Variants in DCC observed in about 807,000 individuals in gnomAD.
DCC encodes the protein netrin receptor DCC.
In DCC, 58 loss-of-function variants were observed where a neutral mutation model predicts 172.5. That is an observed-to-expected ratio of 0.34 (90% CI 0.27 to 0.42). DCC has a LOEUF of 0.42. Ranked by LOEUF, DCC falls within the 10% of genes least tolerant of loss-of-function variation. The probability of loss-of-function intolerance (pLI) is 1.00; values close to 1 mark genes in which losing one functional copy is unlikely to be tolerated. For missense variants in DCC, 1,740 were observed against 1,791.0 expected, an observed-to-expected ratio of 0.97 and a Z score of 0.51; for synonymous variants, 709 against 644.5, an observed-to-expected ratio of 1.10 and a Z score of -1.52.
At chr18:53,420,614 C>T (rs373813229) in intron 21 of DCC, among the ~76,000 whole-genome samples, 65 of 152,212 alleles carry the variant, frequency 4.3e-4, no homozygotes, top group African/African-American at 1.5e-3. Flanking sequence ...TGTGTCTTCC[C>T]GTGGTGGAGA....
At chr18:52,956,656 G>T (rs2145559471) in intron 5 of DCC, among the ~76,000 whole-genome samples, 1 of 152,128 alleles carries the variant, frequency 6.6e-6, no homozygotes, top group African/African-American at 2.4e-5. Flanking sequence ...TTTTGATTCA[G>T]ATTCACATGG....
chr18:53,254,486 C>T (rs947034192), intron 12 of DCC, among the ~76,000 whole-genome samples: 1 of 151,978 alleles, frequency 6.6e-6, no homozygotes, highest in African/African-American at 2.4e-5. Context: ...ATTCAGGGCC[C>T]ACTTCAGTCC....
intron 1 of DCC, among the ~76,000 whole-genome samples, chr18:52,669,987 A>G (rs1332646376): frequency 2.6e-5 from 4 of 152,190 alleles, no homozygotes; most frequent in Non-Finnish European, 5.9e-5. Context: ...AATGAGATGT[A>G]GGACTGCCTA....
chr18:52,729,317 T>C (rs922530890), intron 1 of DCC, among the ~76,000 whole-genome samples: 5 of 152,174 alleles, frequency 3.3e-5, no homozygotes, highest in Non-Finnish European at 5.9e-5. Flanking sequence ...TGGAGTGCAG[T>C]GGTGCAATCT....
Position 53,467,938 on chromosome 18 carries a change from A to T in DCC, c.3664A>T (p.Arg1222Trp). The change falls in exon 25 of 29, where the codon AGG becomes TGG. Residue 1222 changes from arginine (R) to tryptophan (W), a missense_variant. Physicochemically the swap from Arg to Trp is moderately radical, Grantham distance 101. Coordinates refer to ENST00000442544, the MANE Select transcript of DCC (RefSeq NM_005215.4). ...AGGGAGCTCTATGTCCACTCTGGAGAGGTCGCTGGCTGCACGCCGAGCCCC... is the reference window on the plus strand; with the variant it reads ...AGGGAGCTCTATGTCCACTCTGGAGTGGTCGCTGGCTGCACGCCGAGCCCC... ...EAGSSMSTLE[R>W]SLAARRAPRA... The T allele has an allele frequency of 6.2e-7, 1 of 1,612,994 alleles. No individual in the cohort carries two copies. Among genetic ancestry groups the T allele is most frequent in the Non-Finnish European group, 8.5e-7 (1 of 1,179,054 alleles).
At chr18:52,898,537 C>T (rs2039764492) in intron 2 of DCC, among the ~76,000 whole-genome samples, 1 of 152,132 alleles carries the variant, frequency 6.6e-6, no homozygotes, top group Non-Finnish European at 1.5e-5. Context: ...CTGTCTGGAT[C>T]TGATGGAAAG....
chr18:53,352,137 A>G (rs1268865841), intron 15 of DCC, among the ~76,000 whole-genome samples: 1 of 152,102 alleles, frequency 6.6e-6, no homozygotes, highest in African/African-American at 2.4e-5. Flanking sequence ...AAGGTATTTT[A>G]GCAAAATTAA....
At chr18:53,492,625 G>T (rs1474298947) in intron 26 of DCC, among the ~76,000 whole-genome samples, 1 of 152,110 alleles carries the variant, frequency 6.6e-6, no homozygotes, top group Non-Finnish European at 1.5e-5. Flanking sequence ...TAGATGTGTG[G>T]TATTATTTCT....
At chr18:53,108,999 G>A (rs1212793986) in intron 7 of DCC, among the ~76,000 whole-genome samples, 1 of 150,232 alleles carries the variant, frequency 6.7e-6, no homozygotes, top group Non-Finnish European at 1.5e-5. Context: ...TTGCCAAAGT[G>A]GTTATATCAA....
intron 4 of DCC, 31 bp downstream of exon 4, chr18:52,923,888 T>A: frequency 6.5e-7 from 1 of 1,542,948 alleles, no homozygotes; most frequent in Non-Finnish European, 9.0e-7. Flanking sequence ...TTTTGTAAAG[T>A]GTACTTTTGT....
At chr18:52,498,057 T>A (rs1305952030) in intron 1 of DCC, among the ~76,000 whole-genome samples, 2 of 152,250 alleles carry the variant, frequency 1.3e-5, no homozygotes, top group Non-Finnish European at 2.9e-5. Flanking sequence ...TGTGCTATAA[T>A]AAAACTTCAC....
intron 8 of DCC, among the ~76,000 whole-genome samples, chr18:53,176,359 A>G (rs961047526): frequency 7.2e-6 from 1 of 139,180 alleles, no homozygotes; most frequent in African/African-American, 2.8e-5. Flanking sequence ...GCTTCTGCAC[A>G]GCAAAAGAAA....
At position 52,600,991 on chromosome 18, in the gene DCC, A is replaced by G. The variant is rs576818095; in HGVS notation, c.92-151063A>G. Among the ~76,000 whole-genome samples, 52 of 152,262 alleles carry G rather than the reference A, an allele frequency of 3.4e-4. 2 individuals are homozygous for G. The South Asian group carries it at 0.01, about 30-fold the overall frequency. ...AAAAGATCTCATGTAGATGAAAATTAATGCAGTAAACCTTTTCATAAAAAG... is the reference window on the plus strand; with the variant it reads ...AAAAGATCTCATGTAGATGAAAATTGATGCAGTAAACCTTTTCATAAAAAG... On this transcript the variant is annotated intron_variant, in intron 1 of 28. Transcript: ENST00000442544.
intron 3 of DCC, among the ~76,000 whole-genome samples, chr18:52,917,719 A>G (rs2040062409): frequency 6.6e-6 from 1 of 152,128 alleles, no homozygotes; most frequent in Admixed American, 6.6e-5. Flanking sequence ...TTTTCTCTTT[A>G]TTTCCATACC....
chr18:53,330,237 T>G (rs2057515564), intron 14 of DCC, among the ~76,000 whole-genome samples: 1 of 152,220 alleles, frequency 6.6e-6, no homozygotes, highest in Non-Finnish European at 1.5e-5. Context: ...TTTGAGCTGA[T>G]CTTTCAAAGT....
At chr18:52,973,594 A>G (rs1354757341) in intron 5 of DCC, among the ~76,000 whole-genome samples, 7 of 152,030 alleles carry the variant, frequency 4.6e-5, no homozygotes, top group African/African-American at 1.7e-4. Context: ...CTTTCTTCCC[A>G]TATTTTGTGT....
rs140577953 is a variant in DCC, at chr18:53,379,079, T to A, written c.2360-6964T>A. On this transcript the variant is annotated intron_variant, in intron 15 of 28. Coordinates refer to ENST00000442544, the MANE Select transcript of DCC (RefSeq NM_005215.4). The stretch of plus-strand genomic sequence containing the variant: ...CCACCCACTACATTTAATTAAACAG[T>A]TTGGGTCCAGTGGGGTCAAAGGTGT... 2.2e-3 allele frequency among the ~76,000 whole-genome samples: 335 copies of A among 152,330 alleles called. 5 individuals carry two copies. Among genetic ancestry groups the A allele is most frequent in the Admixed American group, 0.02 (309 of 15,296 alleles).
intron 19 of DCC, among the ~76,000 whole-genome samples, chr18:53,410,158 A>G (rs898591876): frequency 6.6e-6 from 1 of 152,216 alleles, no homozygotes; most frequent in Non-Finnish European, 1.5e-5. Flanking sequence ...ATGCTTTCAT[A>G]TTAGAACAAA....
intron 1 of DCC, among the ~76,000 whole-genome samples, chr18:52,731,847 T>A (rs2036647675): frequency 6.6e-6 from 1 of 152,164 alleles, no homozygotes; most frequent in Non-Finnish European, 1.5e-5. Flanking sequence ...TATGTTTCTA[T>A]TTGTCTGGAT....
Sources: gnomAD v4.1 joint callset for allele counts (sites outside exome capture counted in the v4.1 genomes callset) on GRCh38, gnomAD v4.1.1 for gene constraint, MANE v1.5 for transcripts, NCBI Gene and HGNC (gene_info 2026-07-23, HGNC 2026-07-21) for gene names.